The following NXNL2 variants were observed in gnomAD, a reference collection of about 807,000 sequenced individuals.
NXNL2 encodes nucleoredoxin like 2.
In NXNL2, 7 loss-of-function variants were observed where a neutral mutation model predicts 11.1. The ratio of observed to expected loss-of-function variants is 0.63; its 90% CI spans 0.36 to 1.18. NXNL2 has a LOEUF of 1.18. Among genes scored for constraint, NXNL2 ranks in the 50% most tolerant of loss-of-function variants. The probability of loss-of-function intolerance (pLI) is 0.02; values close to 1 mark genes in which losing one functional copy is unlikely to be tolerated. For synonymous variants in NXNL2, 109 were observed against 101.8 expected (o/e 1.07, Z -0.42); for missense variants, 233 against 217.7 (o/e 1.07, Z -0.44).
At chr9:88,565,582 G>C (rs763648563) in intron 1 of NXNL2, among the ~76,000 whole-genome samples, 25 of 152,038 alleles carry the variant, frequency 1.6e-4, no homozygotes, top group Non-Finnish European at 2.2e-4. Context: ...GTCTTGCCCA[G>C]GCTGGAGTGC....
downstream of NXNL2, among the ~76,000 whole-genome samples, chr9:88,578,382 C>G (rs1254414200): frequency 1.3e-5 from 2 of 152,198 alleles, no homozygotes; most frequent in African/African-American, 4.8e-5. Context: ...TGCAGTTGGA[C>G]AAATGTGTGA....
intron 1 of NXNL2, among the ~76,000 whole-genome samples, chr9:88,560,605 A>G (rs1292333532): frequency 6.6e-6 from 1 of 152,184 alleles, no homozygotes; most frequent in Non-Finnish European, 1.5e-5. Flanking sequence ...GCCAGGTTCA[A>G]GAGCAAAGAA....
downstream of NXNL2, among the ~76,000 whole-genome samples, chr9:88,577,651 A>G (rs1050397509): frequency 6.7e-6 from 1 of 148,616 alleles, no homozygotes; most frequent in Non-Finnish European, 1.5e-5. Context: ...GAGAGAAGAG[A>G]GCGAGCGAGC....
Position 88,535,428 on chromosome 9 carries a change from C to T in NXNL2, c.-7C>T. On this transcript the variant is annotated 5_prime_UTR_variant, in exon 1 of 2. Coordinates refer to ENST00000375854, the MANE Select transcript of NXNL2 (RefSeq NM_001161625.2). ...CCTCGGGTCTCAGGTGGCTGCGTGT[C>T]TGCGCCATGGTTGACATTCTGGGCG... 1 of 1,588,892 alleles carries T rather than the reference C, an allele frequency of 6.3e-7. No homozygotes were observed. The highest frequency in any genetic ancestry group is 1.1e-5 in the South Asian group (1 of 88,906).
intron 2 of NXNL2, chr9:88,571,222 T>G (rs562072495): frequency 8.0e-6 from 2 of 248,570 alleles, no homozygotes; most frequent in South Asian, 7.4e-5. Flanking sequence ...CGTGCCACCA[T>G]GCCAGGCTAA....
intron 1 of NXNL2, among the ~76,000 whole-genome samples, chr9:88,558,430 A>G (rs1438089402): frequency 6.6e-6 from 1 of 152,170 alleles, no homozygotes; most frequent in Non-Finnish European, 1.5e-5. Context: ...CATAATCTGT[A>G]TCCTTTTTCA....
intron 1 of NXNL2, among the ~76,000 whole-genome samples, chr9:88,540,099 G>A (rs913419635): frequency 2.0e-5 from 3 of 152,002 alleles, no homozygotes; most frequent in South Asian, 2.1e-4. Context: ...TTGGGAGGCC[G>A]AGGCGGGTGG....
At chr9:88,577,301 G>GA (rs1050458269), downstream of NXNL2, among the ~76,000 whole-genome samples, 1 of 138,272 alleles carries the variant, frequency 7.2e-6, no homozygotes, top group African/African-American at 3.1e-5. Flanking sequence ...GTGACTGGGC[G>GA]GGGGGGGCGG....
At chr9:88,541,622 A>G (rs1342791163) in intron 1 of NXNL2, among the ~76,000 whole-genome samples, 1 of 151,956 alleles carries the variant, frequency 6.6e-6, no homozygotes, top group Non-Finnish European at 1.5e-5. Context: ...TTTATTGGTC[A>G]CCCCATGTTG....
At chr9:88,562,489 C>T (rs1319752865) in intron 1 of NXNL2, among the ~76,000 whole-genome samples, 2 of 152,014 alleles carry the variant, frequency 1.3e-5, no homozygotes, top group Non-Finnish European at 2.9e-5. Flanking sequence ...AGACTGGGAG[C>T]GGTGGCTCAT....
chr9:88,536,100 C>T (rs1261937994), intron 1 of NXNL2, among the ~76,000 whole-genome samples: 2 of 152,150 alleles, frequency 1.3e-5, no homozygotes, highest in African/African-American at 4.8e-5. Context: ...ACCGCCGGCC[C>T]AATCAGCCCT....
chr9:88,557,207 C>T (rs141161979), intron 1 of NXNL2, among the ~76,000 whole-genome samples: 270 of 151,940 alleles, frequency 1.8e-3, no homozygotes, highest in African/African-American at 6.2e-3. Flanking sequence ...CTTTGGAATA[C>T]ATTCTTCCCA....
chr9:88,553,777 C>A (rs1233104170), intron 1 of NXNL2, among the ~76,000 whole-genome samples: 3 of 152,058 alleles, frequency 2.0e-5, no homozygotes, highest in Non-Finnish European at 4.4e-5. Context: ...AAGATTAAAG[C>A]CTTATGGTTT....
At chr9:88,577,575 A>G (rs1241249986), downstream of NXNL2, among the ~76,000 whole-genome samples, 3 of 151,720 alleles carry the variant, frequency 2.0e-5, no homozygotes, top group South Asian at 2.1e-4. Context: ...TGGCTTGTGG[A>G]CACTGTGTCC....
chr9:88,560,170 A>G (rs563669456), intron 1 of NXNL2, among the ~76,000 whole-genome samples: 2 of 152,208 alleles, frequency 1.3e-5, no homozygotes, highest in East Asian at 1.9e-4. Context: ...AGATGATGAA[A>G]AAAGGCCTGG....
At chr9:88,560,909 C>T (rs11794386) in intron 1 of NXNL2, among the ~76,000 whole-genome samples, 16,252 of 152,150 alleles carry the variant, frequency 0.11, 1,169 homozygotes, top group Non-Finnish European at 0.16. Flanking sequence ...GAGCACTGCG[C>T]TGGGGGAGGA....
intron 1 of NXNL2, among the ~76,000 whole-genome samples, chr9:88,544,075 G>A (rs1464462932): frequency 6.6e-6 from 1 of 152,240 alleles, no homozygotes; most frequent in Non-Finnish European, 1.5e-5. Flanking sequence ...GGAGGCTGAG[G>A]CAGGAGAATC....
At chr9:88,583,468 T>C in intron 1 of NXNL2, among the ~76,000 whole-genome samples, 1 of 152,166 alleles carries the variant, frequency 6.6e-6, no homozygotes, top group Non-Finnish European at 1.5e-5. Context: ...TGGATTTCCA[T>C]CACCCCGCTG....
At chr9:88,566,995 T>TCTATCTATCTATCTATCTATCTACCTAC (rs1554706805) in intron 1 of NXNL2, among the ~76,000 whole-genome samples, 1 of 150,282 alleles carries the variant, frequency 6.7e-6, no homozygotes, top group African/African-American at 2.5e-5. Flanking sequence ...TATCTATCTA[T>TCTATCTATCTATCTATCTATCTACCTAC]CTATCTATCT....
Sources: allele counts gnomAD v4.1 joint callset (sites outside exome capture counted in the v4.1 genomes callset), GRCh38; gene constraint gnomAD v4.1.1; transcripts MANE v1.5; gene names NCBI Gene and HGNC (gene_info 2026-07-23, HGNC 2026-07-21).